PTPRT: variants seen among roughly 807,000 people sequenced by gnomAD.
The protein encoded by PTPRT is protein tyrosine phosphatase receptor type T.
PTPRT carries 56 observed loss-of-function variants against 176.8 expected under a neutral mutation model. The observed-to-expected ratio is 0.32, with a 90% CI of 0.26 to 0.40. The LOEUF is 0.40. Ranked by LOEUF, PTPRT falls within the 10% of genes least tolerant of loss-of-function variation. PTPRT has a pLI of 1.00. For synonymous variants in PTPRT, 783 were observed against 739.0 expected (o/e 1.06, Z -0.96); for missense variants, 1,540 against 1,908.2 (o/e 0.81, Z 3.60).
intron 8 of PTPRT, among the ~76,000 whole-genome samples, chr20:42,452,137 C>T (rs207477583): frequency 9.2e-5 from 14 of 151,672 alleles, no homozygotes; most frequent in African/African-American, 2.9e-4. Flanking sequence ...GGTATGGTGG[C>T]GCGCACCTGT....
chr20:42,797,711 A>G (rs982226570), intron 2 of PTPRT, among the ~76,000 whole-genome samples: 1 of 152,222 alleles, frequency 6.6e-6, no homozygotes, highest in African/African-American at 2.4e-5. Flanking sequence ...AGATGGGGAG[A>G]TTATTCTGGA....
At chr20:42,972,388 G>A (rs985955677) in intron 1 of PTPRT, among the ~76,000 whole-genome samples, 2 of 151,712 alleles carry the variant, frequency 1.3e-5, no homozygotes, top group African/African-American at 4.8e-5. Context: ...GAAGCTGGGT[G>A]TGGTGGCTCA....
intron 1 of PTPRT, among the ~76,000 whole-genome samples, chr20:43,078,593 C>A (rs760209873): frequency 6.6e-6 from 1 of 152,200 alleles, no homozygotes; most frequent in Non-Finnish European, 1.5e-5. Flanking sequence ...CAAGGTGGCA[C>A]GGAGGGCTGG....
intron 9 of PTPRT, among the ~76,000 whole-genome samples, chr20:42,379,882 G>C (rs767569574): frequency 2.6e-5 from 4 of 152,178 alleles, no homozygotes; most frequent in Non-Finnish European, 5.9e-5. Flanking sequence ...ATTGGAAAGT[G>C]ATTACAAAGG....
chr20:42,440,519 C>T (rs2059304074), intron 9 of PTPRT, among the ~76,000 whole-genome samples: 1 of 150,968 alleles, frequency 6.6e-6, no homozygotes, highest in African/African-American at 2.4e-5. Context: ...GCTCTGTTGC[C>T]CAGGCTGGAG....
intron 1 of PTPRT, among the ~76,000 whole-genome samples, chr20:43,143,266 C>A (rs2014073738): frequency 6.6e-6 from 1 of 152,202 alleles, no homozygotes; most frequent in South Asian, 2.1e-4. Flanking sequence ...ATCCCTCTCC[C>A]TCCTCCCTTC....
At chr20:42,475,439 A>C (rs2071272830) in intron 7 of PTPRT, among the ~76,000 whole-genome samples, 1 of 152,214 alleles carries the variant, frequency 6.6e-6, no homozygotes, top group African/African-American at 2.4e-5. Context: ...TTGAGACAAA[A>C]TAATTGGCCT....
At chr20:43,106,734 G>A (rs2012632554) in intron 1 of PTPRT, among the ~76,000 whole-genome samples, 1 of 150,580 alleles carries the variant, frequency 6.6e-6, no homozygotes, top group Non-Finnish European at 1.5e-5. Flanking sequence ...GGAGGGAGGG[G>A]AGACAGACGT....
chr20:43,027,797 CT>C (rs1985976702), intron 1 of PTPRT, among the ~76,000 whole-genome samples: 2 of 152,152 alleles, frequency 1.3e-5, no homozygotes, highest in Admixed American at 6.5e-5. Context: ...GTGTAACTCA[CT>C]TCTATTACCT....
intron 1 of PTPRT, chr20:42,971,555 T>TC (rs1188701920): frequency 6.6e-6 from 1 of 152,212 alleles, no homozygotes; most frequent in African/African-American, 2.4e-5. Context: ...CATTCTGTGT[T>TC]CCCCTTCACA....
intron 2 of PTPRT, among the ~76,000 whole-genome samples, chr20:42,867,331 A>G (rs1476887799): frequency 6.6e-6 from 1 of 151,608 alleles, no homozygotes; most frequent in Non-Finnish European, 1.5e-5. Flanking sequence ...TCCAACTAAT[A>G]TCAGCCTGAT....
intron 1 of PTPRT, among the ~76,000 whole-genome samples, chr20:43,014,549 T>C (rs988521162): frequency 6.6e-6 from 1 of 152,136 alleles, no homozygotes. Context: ...CGAGGAGAAT[T>C]AAAATCGGCA....
At chr20:42,222,828 A>C (rs1471763284) in intron 15 of PTPRT, among the ~76,000 whole-genome samples, 1 of 152,140 alleles carries the variant, frequency 6.6e-6, no homozygotes, top group African/African-American at 2.4e-5. Flanking sequence ...AATTAGTTGA[A>C]CCCAAAGAAG....
At chr20:42,247,584 A>C (rs1311418517) in intron 14 of PTPRT, among the ~76,000 whole-genome samples, 5 of 152,240 alleles carry the variant, frequency 3.3e-5, no homozygotes, top group African/African-American at 1.2e-4. Context: ...AACTCTGTGC[A>C]TAAGCAAACC....
At chr20:42,124,145 G>C (rs1987735378) in intron 19 of PTPRT, among the ~76,000 whole-genome samples, 1 of 152,222 alleles carries the variant, frequency 6.6e-6, no homozygotes, top group Non-Finnish European at 1.5e-5. Flanking sequence ...CCTCAGCAAA[G>C]GAGATAAAAG....
At chr20:42,368,150 C>A (rs1420121801) in intron 9 of PTPRT, among the ~76,000 whole-genome samples, 1 of 152,172 alleles carries the variant, frequency 6.6e-6, no homozygotes, top group African/African-American at 2.4e-5. Context: ...ACTCAACAAC[C>A]TCCCAGGAGG....
chr20:42,494,266 A>C (rs921569069), intron 7 of PTPRT, among the ~76,000 whole-genome samples: 1 of 152,082 alleles, frequency 6.6e-6, no homozygotes, highest in Non-Finnish European at 1.5e-5. Context: ...CTCTATTTTA[A>C]TTTGTTTTTA....
chr20:42,052,711 C>T, the PTPRT span, among the ~76,000 whole-genome samples: 27 of 152,152 alleles, frequency 1.8e-4, no homozygotes, highest in Non-Finnish European at 2.9e-5. Context: ...CTTGCAGATG[C>T]CCACCATCCC....
chr20:42,874,519 T>C (rs746834703), intron 2 of PTPRT, among the ~76,000 whole-genome samples: 5 of 152,226 alleles, frequency 3.3e-5, no homozygotes, highest in South Asian at 2.1e-4. Context: ...AGTCCACTTA[T>C]GGTATCTAAT....
Sources: gnomAD v4.1 joint callset for allele counts (sites outside exome capture counted in the v4.1 genomes callset) on GRCh38, gnomAD v4.1.1 for gene constraint, MANE v1.5 for transcripts, NCBI Gene and HGNC (gene_info 2026-07-23, HGNC 2026-07-21) for gene names.